The following RDX variants were observed in gnomAD, a reference collection of about 807,000 sequenced individuals.
The protein encoded by RDX is deafness, autosomal recessive 24.
In RDX, 32 loss-of-function variants were observed where a neutral mutation model predicts 83.7. The observed-to-expected ratio is 0.38, with a 90% confidence interval of 0.29 to 0.51. The LOEUF (loss-of-function observed/expected upper bound fraction) is 0.51, where lower values mean the gene tolerates loss of function less well. Among genes scored for constraint, RDX ranks in the 20% least tolerant of loss-of-function variants. The pLI is 0.87. For missense variants in RDX, 600 were observed against 689.9 expected (o/e 0.87, Z 1.46); for synonymous variants, 229 against 222.7 (o/e 1.03, Z -0.25).
rs140970468 is a variant in RDX, at chr11:110,181,218, A to G, written c.*32-5984T>C. Among the ~76,000 whole-genome samples, 45 of 150,536 alleles carry G rather than the reference A, an allele frequency of 3.0e-4. 1 individual carries two copies. In the South Asian group the frequency reaches 4.9e-3, roughly 16 times the overall value. On this transcript the variant is annotated intron_variant, in intron 15 of 15. Transcript: ENST00000528498. ...GCCCTGTCACTCAGGCTGGACTACA[A>G]ATGGAGCGAACTCGACTCACTACAA...
At chr11:110,183,086 C>T (rs182982560) in intron 15 of RDX, among the ~76,000 whole-genome samples, 2 of 152,264 alleles carry the variant, frequency 1.3e-5, no homozygotes, top group East Asian at 3.9e-4. Flanking sequence ...AGGGTGATGA[C>T]TCAAGCTTGC....
At chr11:110,202,210 C>T (rs1037723739) in intron 14 of RDX, among the ~76,000 whole-genome samples, 2 of 151,908 alleles carry the variant, frequency 1.3e-5, no homozygotes, top group African/African-American at 4.8e-5. Flanking sequence ...GCCTGGCCAA[C>T]ATGGGGAAAC....
At chr11:110,216,642 T>C (rs1035136336) in intron 14 of RDX, among the ~76,000 whole-genome samples, 1 of 151,448 alleles carries the variant, frequency 6.6e-6, no homozygotes, top group African/African-American at 2.4e-5. Flanking sequence ...CCTCCCAAAG[T>C]GCTGGGATCA....
chr11:110,261,927 T>C (rs1267012417), intron 5 of RDX, among the ~76,000 whole-genome samples: 1 of 152,176 alleles, frequency 6.6e-6, no homozygotes, highest in African/African-American at 2.4e-5. Context: ...TGTAAGCCAA[T>C]TACTTCATCT....
chr11:110,179,266 C>T (rs780610867), intron 15 of RDX, among the ~76,000 whole-genome samples: 7 of 152,170 alleles, frequency 4.6e-5, no homozygotes, highest in Non-Finnish European at 8.8e-5. Context: ...ATCCATCACA[C>T]GTGGAATCCT....
intron 1 of RDX, among the ~76,000 whole-genome samples, chr11:110,281,604 G>A (rs1176699817): frequency 6.6e-6 from 1 of 152,124 alleles, no homozygotes; most frequent in Non-Finnish European, 1.5e-5. Flanking sequence ...TGGGATTACA[G>A]GCATGAACCA....
intron 15 of RDX, among the ~76,000 whole-genome samples, chr11:110,189,019 A>G (rs571427030): frequency 1.8e-4 from 27 of 152,194 alleles, no homozygotes; most frequent in African/African-American, 6.3e-4. Flanking sequence ...TTGAATGTCA[A>G]TGTTCTGAAT....
In RDX at chr11:110,236,129, C is replaced by T. The variant is rs201330503; in HGVS notation, c.1314G>A (p.Lys438=). ...IALLEEAKKK[K]EEEATEWQHK... Reference sequence around the variant, plus strand: ...GTTGCCACTCAGTAGCTTCCTCTTCCTTTTTCTTCTTGGCTTCCTCTAGAA... The same window carrying T: ...GTTGCCACTCAGTAGCTTCCTCTTCTTTTTTCTTCTTGGCTTCCTCTAGAA... The change falls in exon 12 of 14, where the codon AAG becomes AAA. Residue 438 remains lysine (K), a synonymous_variant. Coordinates refer to ENST00000645495, the MANE Select transcript of RDX (RefSeq NM_002906.4). 60 of 1,611,928 alleles carry T rather than the reference C, an allele frequency of 3.7e-5. No homozygotes were observed. Among genetic ancestry groups the T allele is most frequent in the South Asian group, 2.2e-5 (2 of 91,002 alleles).
At chr11:110,182,211 G>C (rs1437266002) in intron 15 of RDX, among the ~76,000 whole-genome samples, 1 of 152,246 alleles carries the variant, frequency 6.6e-6, no homozygotes, top group Non-Finnish European at 1.5e-5. Flanking sequence ...GGGAGACGCG[G>C]AAGAGGTGGA....
intron 14 of RDX, among the ~76,000 whole-genome samples, chr11:110,215,236 G>A (rs901987703): frequency 5.3e-5 from 8 of 149,906 alleles, no homozygotes; most frequent in African/African-American, 1.2e-4. Context: ...ATGGGTGGGC[G>A]CCTGTAGTCC....
intron 3 of RDX, among the ~76,000 whole-genome samples, chr11:110,270,765 C>G (rs1374847161): frequency 1.3e-5 from 2 of 152,148 alleles, no homozygotes; most frequent in Non-Finnish European, 2.9e-5. Context: ...TTCCTGTATC[C>G]AAGTGAAAGT....
intron 15 of RDX, among the ~76,000 whole-genome samples, chr11:110,193,001 T>G (rs1339316576): frequency 6.6e-6 from 1 of 152,164 alleles, no homozygotes; most frequent in Non-Finnish European, 1.5e-5. Flanking sequence ...TTTGACCCAG[T>G]AATCCCATCA....
At chr11:110,289,255 A>C (rs996325923) in intron 1 of RDX, among the ~76,000 whole-genome samples, 19 of 151,752 alleles carry the variant, frequency 1.3e-4, no homozygotes, top group African/African-American at 3.4e-4. Context: ...AAAAAAAAAA[A>C]AAAAAACTTT....
intron 5 of RDX, 128 bp from the exon 6 acceptor site, chr11:110,258,317 A>G: frequency 1.5e-6 from 1 of 651,394 alleles, no homozygotes; most frequent in South Asian, 1.9e-5. Context: ...ACATGATGAA[A>G]TTGCATAGAA....
At chr11:110,262,468 C>T (rs894942951) in intron 5 of RDX, among the ~76,000 whole-genome samples, 2 of 151,928 alleles carry the variant, frequency 1.3e-5, no homozygotes, top group Non-Finnish European at 2.9e-5. Context: ...GCCTGTAATC[C>T]CAGCTGCTCA....
At chr11:110,274,485 T>C (rs1255023384) in intron 2 of RDX, among the ~76,000 whole-genome samples, 1 of 152,200 alleles carries the variant, frequency 6.6e-6, no homozygotes, top group Non-Finnish European at 1.5e-5. Context: ...CATGGGTATA[T>C]TCACTTTACG....
At chr11:110,205,070 A>T (rs1047895863) in intron 14 of RDX, among the ~76,000 whole-genome samples, 7 of 152,238 alleles carry the variant, frequency 4.6e-5, no homozygotes, top group Non-Finnish European at 8.8e-5. Flanking sequence ...ACACTGACCA[A>T]TGCAACAGAT....
At chr11:110,198,986 T>G (rs557125335) in intron 15 of RDX, among the ~76,000 whole-genome samples, 1 of 152,228 alleles carries the variant, frequency 6.6e-6, no homozygotes, top group East Asian at 1.9e-4. Context: ...TAATTTTTTT[T>G]GTATTTTTAG....
At position 110,281,433 on chromosome 11, in the gene RDX, G is replaced by A. The variant is rs960557819; in HGVS notation, c.-64-1677C>T. On this transcript the variant is annotated intron_variant, in intron 1 of 13. Coordinates refer to ENST00000645495, the MANE Select transcript of RDX (RefSeq NM_002906.4). ...CAACCTCTGCCTCCTGGGTTCAAGC[G>A]ATTCTCCTGCTTCAGCCTCCATAGC... Among the ~76,000 whole-genome samples the A allele has an allele frequency of 9.9e-5, 15 of 151,802 alleles. No homozygotes were observed. The South Asian group carries it at 2.3e-3, about 23-fold the overall frequency.
Sources: gnomAD v4.1 joint callset for allele counts (sites outside exome capture counted in the v4.1 genomes callset) on GRCh38, gnomAD v4.1.1 for gene constraint, MANE v1.5 for transcripts, NCBI Gene and HGNC (gene_info 2026-07-23, HGNC 2026-07-21) for gene names.